RYR3: variants seen among roughly 807,000 people sequenced by gnomAD.
RYR3 encodes the protein ryanodine receptor 3.
Under a neutral mutation model 584.3 loss-of-function variants are expected in RYR3, and 207 were observed. The observed-to-expected ratio is 0.35, with a 90% CI of 0.32 to 0.40. The LOEUF (loss-of-function observed/expected upper bound fraction) is 0.40, where lower values mean the gene tolerates loss of function less well. Among genes scored for constraint, RYR3 ranks in the 10% least tolerant of loss-of-function variants. RYR3 has a pLI of 1.00. For missense variants in RYR3, 5,616 were observed against 6,089.2 expected (o/e 0.92, Z 2.59); for synonymous variants, 2,416 against 2,248.5 (o/e 1.07, Z -2.11).
In RYR3 at chr15:33,507,091, T is replaced by C. The variant is rs534983699; in HGVS notation, c.279+3353T>C. On this transcript the variant is annotated intron_variant, in intron 3 of 103. Coordinates refer to ENST00000634891, the MANE Select transcript of RYR3 (RefSeq NM_001036.6). ...CTTTGAAGAGTATAATTTTTCCTTCTAGTCAAAAATTGGTCCTGGTGTACT... is the reference window on the plus strand; with the variant it reads ...CTTTGAAGAGTATAATTTTTCCTTCCAGTCAAAAATTGGTCCTGGTGTACT... Among the ~76,000 whole-genome samples the C allele has an allele frequency of 1.4e-4, 22 of 152,330 alleles. No individual in the cohort carries two copies. The South Asian group carries it at 4.3e-3, about 30-fold the overall frequency.
rs749791661 is a variant in RYR3 at position 33,865,275 on chromosome 15, AAT to A, written c.*51_*52del. The A allele has an allele frequency of 7.5e-7, 1 of 1,329,962 alleles. No homozygotes were observed. The highest frequency in any genetic ancestry group is 1.4e-5 in the African/African-American group (1 of 69,064). 82.4% of individuals were successfully genotyped at this position (1,329,962 alleles called of 1,614,324 possible). ...ATTCTGGACAGTCAACTTCCCATGA[AAT>A]AAAGTCCCCTTTTTACAGTTCTGCA... On this transcript the variant is annotated 3_prime_UTR_variant, in exon 104 of 104. Transcript: ENST00000634891.
intron 38 of RYR3, among the ~76,000 whole-genome samples, chr15:33,689,328 A>G (rs540384421): frequency 5.8e-4 from 88 of 152,174 alleles, no homozygotes; most frequent in African/African-American, 2.0e-3. Context: ...TATGTATCAA[A>G]CCTGCATGTT....
chr15:33,335,155 C>T (rs947307831), intron 1 of RYR3, among the ~76,000 whole-genome samples: 2 of 152,138 alleles, frequency 1.3e-5, no homozygotes, highest in Non-Finnish European at 2.9e-5. Flanking sequence ...AAATACCATT[C>T]AACTCAGCAA....
At chr15:33,613,516 A>G in intron 19 of RYR3, 141 bp downstream of exon 19, 2 of 784,914 alleles carry the variant, frequency 2.5e-6, no homozygotes, top group Non-Finnish European at 3.9e-6. Context: ...TGCAAGGGCA[A>G]GAGCCAACTA....
chr15:33,644,352 C>T lies in RYR3; in HGVS notation c.3598C>T (p.Arg1200Cys), dbSNP rs757627554. ...CTGTCTGGGTCTATCTCAGATCGGCCGCATGAATCTCGGGACAGATGCCAG... is the reference window on the plus strand; with the variant it reads ...CTGTCTGGGTCTATCTCAGATCGGCTGCATGAATCTCGGGACAGATGCCAG... ...ICCLGLSQIG[R>C]MNLGTDASTF... is the part of the protein sequence containing the mutation. The change falls in exon 28 of 104, where the codon CGC becomes TGC. Residue 1200 changes from arginine to cysteine, a missense_variant. By Grantham distance (180) the Arg-to-Cys change is radical (BLOSUM62 -3). Transcript: ENST00000634891. The T allele has an allele frequency of 5.7e-5, 92 of 1,612,878 alleles. No homozygotes were observed. Among genetic ancestry groups the T allele is most frequent in the Non-Finnish European group, 7.4e-5 (87 of 1,179,600 alleles).
intron 2 of RYR3, among the ~76,000 whole-genome samples, chr15:33,483,637 T>G (rs1193894521): frequency 1.3e-5 from 2 of 152,206 alleles, no homozygotes; most frequent in African/African-American, 4.8e-5. Flanking sequence ...AAAACCAAAT[T>G]TTGCCATTCC....
chr15:33,653,062 A>G (rs1413468028), intron 32 of RYR3, among the ~76,000 whole-genome samples, 179 bp downstream of exon 32: 3 of 152,246 alleles, frequency 2.0e-5, no homozygotes, highest in Admixed American at 6.5e-5. Flanking sequence ...TTGTATGCAG[A>G]GAAAAAAAGG....
At chr15:33,760,247 G>T (rs529217453) in intron 60 of RYR3, among the ~76,000 whole-genome samples, 2 of 152,142 alleles carry the variant, frequency 1.3e-5, no homozygotes, top group African/African-American at 2.4e-5. Flanking sequence ...AAAATAACCC[G>T]CTAGCATCAT....
intron 32 of RYR3, among the ~76,000 whole-genome samples, chr15:33,656,990 C>T (rs2062854514): frequency 6.6e-6 from 1 of 152,192 alleles, no homozygotes; most frequent in African/African-American, 2.4e-5. Flanking sequence ...TGCCGTGCAA[C>T]ATAGCATGAT....
In RYR3 at chr15:33,503,804, A is replaced by G. The variant is rs981252026; in HGVS notation, c.279+66A>G. ...ACCACATCCCCAAAATACGTTCTAC[A>G]TTTCATCCAACTTTGAACTGAAAAA... is the stretch of plus-strand genomic sequence containing the variant. On this transcript the variant is annotated intron_variant, in intron 3 of 103. Transcript: ENST00000634891. 29 of 916,576 alleles carry G rather than the reference A, an allele frequency of 3.2e-5. No individual in the cohort carries two copies. In the African/African-American group the frequency reaches 3.5e-4, roughly 11 times the overall value. The allele number at this position is 916,576 out of a possible 1,614,324, so 56.8% of individuals were successfully genotyped here.
chr15:33,586,005 G>A lies in RYR3; in HGVS notation c.1677G>A (p.Leu559=), dbSNP rs1382514023. The part of the protein sequence containing the change: ...LDRLESSSGI[L]EVLHCILTES... Reference sequence around the variant, plus strand: ...TTTGTGGCATTCATGTAGGTATCTTGGAAGTTTTGCACTGCATCTTAACTG... The same window carrying A: ...TTTGTGGCATTCATGTAGGTATCTTAGAAGTTTTGCACTGCATCTTAACTG... The change falls in exon 16 of 104, where the codon TTG becomes TTA. Residue 559 remains leucine, a synonymous_variant. Transcript: ENST00000634891. 1.6e-5 allele frequency: 25 copies of A among 1,605,482 alleles called. No homozygotes were observed. The highest frequency in any genetic ancestry group is 2.0e-5 in the Non-Finnish European group (24 of 1,172,332).
intron 38 of RYR3, among the ~76,000 whole-genome samples, chr15:33,685,298 A>C (rs985702583): frequency 2.0e-5 from 3 of 152,248 alleles, no homozygotes; most frequent in Non-Finnish European, 4.4e-5. Context: ...TTGCAATCCT[A>C]GTCTCTGATA....
At chr15:33,596,498 G>GTT (rs1555547365) in intron 16 of RYR3, among the ~76,000 whole-genome samples, 6 of 137,232 alleles carry the variant, frequency 4.4e-5, no homozygotes, top group East Asian at 2.2e-4. Context: ...CTTTTTTTGG[G>GTT]GGGGGGGGAT....
intron 1 of RYR3, among the ~76,000 whole-genome samples, chr15:33,405,017 G>A (rs2042928182): frequency 6.6e-6 from 1 of 152,142 alleles, no homozygotes; most frequent in Non-Finnish European, 1.5e-5. Flanking sequence ...AGCCATGATT[G>A]TCTCATTTGG....
At chr15:33,854,056 C>T (rs765901718) in intron 96 of RYR3, among the ~76,000 whole-genome samples, 2 of 151,924 alleles carry the variant, frequency 1.3e-5, no homozygotes, top group Admixed American at 6.6e-5. Context: ...AGTAGCTAGG[C>T]GTGGTGGTGG....
At chr15:33,693,030 G>A (rs1030119807) in intron 38 of RYR3, among the ~76,000 whole-genome samples, 1 of 152,192 alleles carries the variant, frequency 6.6e-6, no homozygotes, top group African/African-American at 2.4e-5. Context: ...CAGGGACTGG[G>A]ATAGCATGTA....
At chr15:33,757,191 C>G (rs1162224975) in intron 59 of RYR3, among the ~76,000 whole-genome samples, 1 of 152,160 alleles carries the variant, frequency 6.6e-6, no homozygotes, top group Non-Finnish European at 1.5e-5. Context: ...CCAAGAAGCC[C>G]TATCTGAGTG....
chr15:33,535,391 C>T (rs1039722279), intron 5 of RYR3, among the ~76,000 whole-genome samples: 1 of 152,232 alleles, frequency 6.6e-6, no homozygotes, highest in Non-Finnish European at 1.5e-5. Context: ...GTGGCCCCGC[C>T]TTTGCCCATT....
At chr15:33,399,005 T>A (rs1301946791) in intron 1 of RYR3, among the ~76,000 whole-genome samples, 1 of 152,162 alleles carries the variant, frequency 6.6e-6, no homozygotes, top group South Asian at 2.1e-4. Context: ...TACCATTAGA[T>A]GTTAATCCAG....
Sources: gnomAD v4.1 joint callset for allele counts (sites outside exome capture counted in the v4.1 genomes callset) on GRCh38, gnomAD v4.1.1 for gene constraint, MANE v1.5 for transcripts, NCBI Gene and HGNC (gene_info 2026-07-23, HGNC 2026-07-21) for gene names.